Variants in SANBR observed in about 807,000 individuals in gnomAD.
The protein encoded by SANBR is SANT and BTB domain regulator of CSR.
In SANBR, 77 loss-of-function variants were observed where a neutral mutation model predicts 101.8. The ratio of observed to expected loss-of-function variants is 0.76; its 90% CI spans 0.63 to 0.91. The LOEUF (loss-of-function observed/expected upper bound fraction) is 0.91. Ranked by LOEUF, SANBR falls within the 40% of genes least tolerant of loss-of-function variation. The pLI, the probability that SANBR is intolerant of heterozygous loss-of-function variation, is 0.00. For synonymous variants in SANBR, 279 were observed against 274.7 expected (o/e 1.02, Z -0.15); for missense variants, 875 against 853.0 (o/e 1.03, Z -0.32).
intron 5 of SANBR, among the ~76,000 whole-genome samples, chr2:61,073,851 T>A (rs1018049858): frequency 6.6e-6 from 1 of 152,102 alleles, no homozygotes; most frequent in Admixed American, 6.5e-5. Flanking sequence ...AAAAACTGTA[T>A]GCCATTAATT....
downstream of SANBR, among the ~76,000 whole-genome samples, chr2:61,127,106 C>T (rs1559153783): frequency 6.6e-6 from 1 of 152,138 alleles, no homozygotes; most frequent in African/African-American, 2.4e-5. Flanking sequence ...TGTTGGTTTG[C>T]AATCTGTATC....
intron 7 of SANBR, among the ~76,000 whole-genome samples, chr2:61,081,995 C>A (rs1682160021): frequency 6.6e-6 from 1 of 152,050 alleles, no homozygotes. Flanking sequence ...GTTTATTTGA[C>A]TCTTTGGGGT....
chr2:61,130,641 AG>A lies in SANBR; in HGVS notation c.2029-3495del, dbSNP rs777864405. ...TTAATGTAATACACTGTATCAATAT[AG>A]TTTTTTTTTTTAAGTTTCACAATCA... On this transcript the variant is annotated intron_variant, in intron 20 of 21. Transcript: ENST00000295031. 5.1e-4 allele frequency among the ~76,000 whole-genome samples: 77 copies of A among 151,006 alleles called. 1 individual carries two copies. The highest frequency in any genetic ancestry group is 1.3e-3 in the African/African-American group (54 of 41,178).
At chr2:61,127,673 A>G (rs1197345785), downstream of SANBR, among the ~76,000 whole-genome samples, 2 of 152,230 alleles carry the variant, frequency 1.3e-5, no homozygotes, top group East Asian at 3.8e-4. Context: ...TTTGTCTAAA[A>G]ATAACATTAT....
downstream of SANBR, among the ~76,000 whole-genome samples, chr2:61,127,805 A>AC (rs1219437859): frequency 1.3e-5 from 2 of 152,178 alleles, no homozygotes; most frequent in Non-Finnish European, 2.9e-5. Flanking sequence ...AAAGGAAGAT[A>AC]AAAAAATGTT....
chr2:61,088,413 A>G lies in SANBR; in HGVS notation c.1033A>G (p.Ile345Val), dbSNP rs754721322. The G allele has an allele frequency of 4.4e-5, 71 of 1,609,116 alleles. No homozygotes were observed. In the East Asian group the frequency reaches 1.5e-3, roughly 34 times the overall value. ...TKETERRIPC[I>V]PGKINVDRRG... Reference sequence around the variant, plus strand: ...AGAAACAGAAAGAAGAATTCCTTGCATTCCTGGAAAAATCAATGTGGATCG... The same window carrying G: ...AGAAACAGAAAGAAGAATTCCTTGCGTTCCTGGAAAAATCAATGTGGATCG... Residue 345 changes from isoleucine (I) to valine (V), a missense_variant, in exon 10 of 22, where the codon ATT (isoleucine) becomes GTT (valine). Ile to Val is a conservative substitution (Grantham distance 29). Coordinates refer to ENST00000402291, the MANE Select transcript of SANBR (RefSeq NM_001129993.3).
At chr2:61,115,402 G>A (rs996851603) in intron 16 of SANBR, among the ~76,000 whole-genome samples, 6 of 149,356 alleles carry the variant, frequency 4.0e-5, no homozygotes, top group Admixed American at 1.3e-4. Context: ...GCACAATCTC[G>A]GCTCACTGCA....
At chr2:61,104,163 T>C (rs1436146807) in intron 13 of SANBR, among the ~76,000 whole-genome samples, 165 bp downstream of exon 13, 6 of 152,178 alleles carry the variant, frequency 3.9e-5, no homozygotes, top group Admixed American at 3.9e-4. Flanking sequence ...CAGACAGATA[T>C]TTATATGATA....
downstream of SANBR, among the ~76,000 whole-genome samples, chr2:61,128,182 G>A (rs1684570953): frequency 6.6e-6 from 1 of 151,382 alleles, no homozygotes; most frequent in African/African-American, 2.4e-5. Context: ...TGAGGCAGGA[G>A]AATCGCTTGA....
At position 61,103,999 on chromosome 2, in the gene SANBR, G is replaced by A; in HGVS notation, c.1511+1G>A. The A allele has an allele frequency of 6.2e-7, 1 of 1,613,828 alleles. No individual in the cohort carries two copies. The highest frequency in any genetic ancestry group is 8.5e-7 in the Non-Finnish European group (1 of 1,179,774). ...TGCCTTTTTCAAAAGATACAGTTAGGTGAGGGGTGGAAAAACCCAACACTG... is the reference window on the plus strand; with the variant it reads ...TGCCTTTTTCAAAAGATACAGTTAGATGAGGGGTGGAAAAACCCAACACTG... On this transcript the variant is annotated splice_donor_variant, in intron 13 of 21. Coordinates refer to ENST00000402291, the MANE Select transcript of SANBR (RefSeq NM_001129993.3). LOFTEE classifies it high-confidence loss of function.
chr2:61,105,155 C>G (rs1283041915), intron 13 of SANBR, among the ~76,000 whole-genome samples: 15 of 151,696 alleles, frequency 9.9e-5, no homozygotes. Flanking sequence ...CCGAGGCAGG[C>G]CGATCACTTG....
At chr2:61,077,190 GA>G (rs1681836243) in intron 6 of SANBR, 32 bp downstream of exon 6, 1 of 1,483,010 alleles carries the variant, frequency 6.7e-7, no homozygotes, top group Non-Finnish European at 9.4e-7. Flanking sequence ...AATTTGTAGT[GA>G]AATTTGTGTG....
At chr2:61,112,569 C>A (rs1379171368) in intron 16 of SANBR, among the ~76,000 whole-genome samples, 1 of 151,954 alleles carries the variant, frequency 6.6e-6, no homozygotes, top group African/African-American at 2.4e-5. Context: ...CGATCTCTCA[C>A]TGCAACCTCT....
chr2:61,072,444 G>A lies in SANBR; in HGVS notation c.337+652G>A, dbSNP rs764056779. Among the ~76,000 whole-genome samples the A allele has an allele frequency of 1.3e-4, 20 of 152,158 alleles. No individual in the cohort carries two copies. The South Asian group carries it at 2.3e-3, about 17-fold the overall frequency. On this transcript the variant is annotated intron_variant, in intron 4 of 21. Transcript: ENST00000402291. The stretch of plus-strand genomic sequence containing the variant: ...AAAATAAAAATTAGCTTGGTGGATG[G>A]TGCACACCTGTGATCCTAGCTACTT...
downstream of SANBR, among the ~76,000 whole-genome samples, chr2:61,126,913 A>G (rs1279188528): frequency 1.3e-5 from 2 of 152,080 alleles, no homozygotes; most frequent in African/African-American, 2.4e-5. Context: ...CCTTGACATT[A>G]GCCATTCCCG....
chr2:61,094,207 C>T (rs1341022635), intron 11 of SANBR: 1 of 258,384 alleles, frequency 3.9e-6, no homozygotes, highest in African/African-American at 2.3e-5. Flanking sequence ...AATTGTATAA[C>T]TACCTCCGCA....
At chr2:61,102,365 C>CAAA (rs35795015) in intron 12 of SANBR, among the ~76,000 whole-genome samples, 5 of 59,436 alleles carry the variant, frequency 8.4e-5, no homozygotes, top group Admixed American at 2.2e-4. Flanking sequence ...GACTGTGTCT[C>CAAA]AAAAAAAAAA....
chr2:61,108,233 A>G (rs573826254), intron 14 of SANBR, 84 bp from the exon 15 acceptor site: 26 of 771,728 alleles, frequency 3.4e-5, no homozygotes, highest in Middle Eastern at 2.4e-4. Context: ...ACTTTTTTCA[A>G]CTCTTCTACA....
chr2:61,103,390 T>C lies in SANBR; in HGVS notation c.1366-463T>C, dbSNP rs545217125. Among the ~76,000 whole-genome samples, 16 of 152,256 alleles carry C rather than the reference T, an allele frequency of 1.1e-4. No individual in the cohort carries two copies. In the South Asian group the frequency reaches 3.3e-3, roughly 32 times the overall value. ...CTGGGCTCAAGCAATCCACACACCT[T>C]GGCCTCCCAAAGTGCTGGGATTATA... On this transcript the variant is annotated intron_variant, in intron 12 of 21. Transcript: ENST00000402291.
Sources: gnomAD v4.1 joint callset for allele counts (sites outside exome capture counted in the v4.1 genomes callset) on GRCh38, gnomAD v4.1.1 for gene constraint, MANE v1.5 for transcripts, NCBI Gene and HGNC (gene_info 2026-07-23, HGNC 2026-07-21) for gene names.